Variants in EMB observed in about 807,000 individuals in gnomAD.
The protein encoded by EMB is embigin homolog.
Under a neutral mutation model 41.4 loss-of-function variants are expected in EMB, and 31 were observed. The observed-to-expected ratio is 0.75, with a 90% CI of 0.56 to 1.01. The LOEUF (loss-of-function observed/expected upper bound fraction) is 1.01. Among genes scored for constraint, EMB ranks in the 50% least tolerant of loss-of-function variants. The pLI, the probability that EMB is intolerant of heterozygous loss-of-function variation, is 0.00. For missense variants in EMB, 379 were observed against 388.3 expected (o/e 0.98, Z 0.20); for synonymous variants, 137 against 140.4 (o/e 0.98, Z 0.17).
At chr5:50,401,081 A>T (rs1745154659) in intron 7 of EMB, among the ~76,000 whole-genome samples, 1 of 152,070 alleles carries the variant, frequency 6.6e-6, no homozygotes, top group South Asian at 2.1e-4. Flanking sequence ...AAAAGTTCAA[A>T]TCAACATAAA....
intron 2 of EMB, among the ~76,000 whole-genome samples, chr5:50,423,245 C>T (rs1011657505): frequency 3.3e-5 from 5 of 151,996 alleles, no homozygotes; most frequent in African/African-American, 1.2e-4. Context: ...TTTATGGATG[C>T]ACACATGCAC....
Position 50,399,136 on chromosome 5 carries a change from G to A in EMB, c.*137C>T. On this transcript the variant is annotated 3_prime_UTR_variant, in exon 9 of 9. Coordinates refer to ENST00000303221, the MANE Select transcript of EMB (RefSeq NM_198449.3). ...AGATCTGACATATATCGTTGATGAA[G>A]CTCCTGCTGAGCATGTTGCATAAGC... 3 of 1,172,240 alleles carry A rather than the reference G, an allele frequency of 2.6e-6. No homozygotes were observed. The highest frequency in any genetic ancestry group is 2.3e-6 in the Non-Finnish European group (2 of 854,734). 72.6% of individuals were successfully genotyped at this position (1,172,240 alleles called of 1,614,324 possible).
intron 2 of EMB, among the ~76,000 whole-genome samples, chr5:50,412,159 G>A (rs1745348955): frequency 2.0e-5 from 3 of 151,762 alleles, no homozygotes; most frequent in Non-Finnish European, 2.9e-5. Context: ...CCATCTACAG[G>A]TGGGAAGAGA....
At chr5:50,411,859 A>G (rs1213977004) in intron 2 of EMB, 1 of 152,250 alleles carries the variant, frequency 6.6e-6, no homozygotes, top group African/African-American at 2.4e-5. Flanking sequence ...TTTGAGTGAT[A>G]TATTATATTC....
intron 2 of EMB, among the ~76,000 whole-genome samples, chr5:50,413,238 G>A (rs1412707036): frequency 6.6e-6 from 1 of 152,128 alleles, no homozygotes; most frequent in African/African-American, 2.4e-5. Flanking sequence ...AAAAATTCCA[G>A]CAAATGAATA....
At position 50,441,075 on chromosome 5, in the gene EMB, G is replaced by A; in HGVS notation, c.77C>T (p.Ala26Val). 3 of 1,513,428 alleles carry A rather than the reference G, an allele frequency of 2.0e-6. No homozygotes were observed. The highest frequency in any genetic ancestry group is 1.2e-5 in the South Asian group (1 of 80,598). 93.7% of individuals were successfully genotyped at this position (1,513,428 alleles called of 1,614,324 possible). ...GCCGTCCGCCGAGCTTGGGCGCGCG[G>A]CAGCGAGAAGGCACTGGAGGAGGAG... The part of the protein sequence containing the change: ...RLLLLQCLLA[A>V]ARPSSADGSA... Residue 26 changes from alanine (A) to valine (V), a missense_variant, in exon 1 of 9, where the codon GCC becomes GTC. Ala to Val is a moderately conservative substitution (Grantham distance 64). Coordinates refer to ENST00000303221, the MANE Select transcript of EMB (RefSeq NM_198449.3).
intron 2 of EMB, among the ~76,000 whole-genome samples, chr5:50,412,304 C>T (rs1038726521): frequency 6.3e-4 from 96 of 151,590 alleles, no homozygotes; most frequent in African/African-American, 2.3e-3. Context: ...CAGAATATGC[C>T]TGGATAGCAT....
chr5:50,413,770 G>A (rs112380659), intron 2 of EMB, among the ~76,000 whole-genome samples: 4 of 152,058 alleles, frequency 2.6e-5, no homozygotes, highest in African/African-American at 9.6e-5. Flanking sequence ...CAGAGATGGG[G>A]TTTCACCATG....
At chr5:50,401,279 C>A (rs1366351945) in intron 7 of EMB, among the ~76,000 whole-genome samples, 1 of 151,904 alleles carries the variant, frequency 6.6e-6, no homozygotes, top group Non-Finnish European at 1.5e-5. Flanking sequence ...TTTTAGCAGC[C>A]TATGTGAATG....
chr5:50,435,030 C>T (rs747841168), intron 1 of EMB, among the ~76,000 whole-genome samples: 8 of 152,192 alleles, frequency 5.3e-5, no homozygotes, highest in Non-Finnish European at 1.0e-4. Context: ...AGGGCATATA[C>T]ACCTTTGGAA....
At chr5:50,422,342 T>C (rs1315864344) in intron 2 of EMB, among the ~76,000 whole-genome samples, 1 of 152,230 alleles carries the variant, frequency 6.6e-6, no homozygotes, top group Non-Finnish European at 1.5e-5. Context: ...ATTCGATGAA[T>C]ATTCTGTTTC....
chr5:50,402,392 C>A lies in EMB; in HGVS notation c.878-73G>T, dbSNP rs185848056. 5,019 of 1,363,666 alleles carry A rather than the reference C, an allele frequency of 3.7e-3. 39 individuals carry two copies. The highest frequency in any genetic ancestry group is 0.014 in the South Asian group (1,187 of 85,280). 84.5% of individuals were successfully genotyped at this position (1,363,666 alleles called of 1,614,324 possible). A position where few individuals can be genotyped will look rare whatever the true frequency, so the allele number is the denominator to read the frequency against. ...TATGGAACATATATGCTCAATTAAACCTCCTTCCTAAGTAAGTAAGTACTA... is the reference window on the plus strand; with the variant it reads ...TATGGAACATATATGCTCAATTAAAACTCCTTCCTAAGTAAGTAAGTACTA... On this transcript the variant is annotated intron_variant, in intron 6 of 8. Coordinates refer to ENST00000303221, the MANE Select transcript of EMB (RefSeq NM_198449.3).
intron 1 of EMB, among the ~76,000 whole-genome samples, 167 bp downstream of exon 1, chr5:50,440,873 C>T (rs892217922): frequency 1.3e-5 from 2 of 152,120 alleles, no homozygotes; most frequent in African/African-American, 4.8e-5. Context: ...GTGACACAAA[C>T]GTAGCTAATG....
At chr5:50,411,468 G>T in intron 2 of EMB, 85 bp from the exon 3 acceptor site, 1 of 865,478 alleles carries the variant, frequency 1.2e-6, no homozygotes, top group Non-Finnish European at 1.7e-6. Flanking sequence ...TAACAGCAGT[G>T]TTTCATTGAC....
chr5:50,427,847 G>A (rs1745645508), intron 2 of EMB, among the ~76,000 whole-genome samples: 1 of 152,134 alleles, frequency 6.6e-6, no homozygotes, highest in African/African-American at 2.4e-5. Context: ...GTACCAGCAA[G>A]AATTAATGAA....
At chr5:50,419,536 T>TACACACACACACACACACACAC (rs371940991) in intron 2 of EMB, among the ~76,000 whole-genome samples, 18 of 142,844 alleles carry the variant, frequency 1.3e-4, no homozygotes, top group East Asian at 8.9e-4. Context: ...CCCCACTACA[T>TACACACACACACACACACACAC]ACACACACAC....
At position 50,405,865 on chromosome 5, in the gene EMB, T is replaced by C. The variant is rs768217485; in HGVS notation, c.473-13A>G. 1.0e-5 allele frequency: 16 copies of C among 1,571,748 alleles called. No individual in the cohort carries two copies. The South Asian group carries it at 1.2e-4, about 12-fold the overall frequency. On this transcript the variant is annotated splice_polypyrimidine_tract_variant and intron_variant, in intron 4 of 8. Transcript: ENST00000303221. ...TGAAGTTCAGGGACTGAGAATAAAA[T>C]AGAGAAATGTATGTTACTGAAAGAG... is the stretch of plus-strand genomic sequence containing the variant.
rs534739583 is a variant in EMB, at chr5:50,404,729, A to T, written c.600+996T>A. ...TTTAAAAAAAAATTACATATACACA[A>T]TGACTGCCTTTCCTCATCATCCATC... On this transcript the variant is annotated intron_variant, in intron 5 of 8. Transcript: ENST00000303221. Among the ~76,000 whole-genome samples, 12 of 152,118 alleles carry T rather than the reference A, an allele frequency of 7.9e-5. No individual in the cohort carries two copies. The East Asian group carries it at 2.1e-3, about 27-fold the overall frequency.
chr5:50,433,418 A>G (rs1745756371), intron 1 of EMB, among the ~76,000 whole-genome samples: 2 of 152,214 alleles, frequency 1.3e-5, no homozygotes, highest in Non-Finnish European at 2.9e-5. Flanking sequence ...TCACCTCTAC[A>G]TGGGTCACTA....
Sources: gnomAD v4.1 joint callset for allele counts (sites outside exome capture counted in the v4.1 genomes callset) on GRCh38, gnomAD v4.1.1 for gene constraint, MANE v1.5 for transcripts, NCBI Gene and HGNC (gene_info 2026-07-23, HGNC 2026-07-21) for gene names.